Variants in FAM171B observed in about 807,000 individuals in gnomAD.
The protein encoded by FAM171B is family with sequence similarity 171 member B, also known as protein FAM171B.
A neutral mutation model predicts 75.6 loss-of-function variants in FAM171B; 19 were observed. The observed-to-expected ratio is 0.25, with a 90% confidence interval of 0.18 to 0.37. The LOEUF (loss-of-function observed/expected upper bound fraction) is 0.37, where lower values mean the gene tolerates loss of function less well. Among genes scored for constraint, FAM171B ranks in the 10% least tolerant of loss-of-function variants. The probability of loss-of-function intolerance (pLI) is 1.00; values close to 1 mark genes in which losing one functional copy is unlikely to be tolerated. For synonymous variants in FAM171B, 367 were observed against 361.7 expected (o/e 1.01, Z -0.17); for missense variants, 848 against 982.4 (o/e 0.86, Z 1.83).
Position 186,745,570 on chromosome 2 carries a change from T to G in FAM171B, c.566-1522T>G, listed in dbSNP as rs906179596. On this transcript the variant is annotated intron_variant, in intron 3 of 7. Coordinates refer to ENST00000304698, the MANE Select transcript of FAM171B (RefSeq NM_177454.4). ...ATTTGTAAGGCCAGGCAGGAAAGTA[T>G]GAATGTTTCATAATGATGTTAAATC... Among the ~76,000 whole-genome samples, 6 of 152,218 alleles carry G rather than the reference T, an allele frequency of 3.9e-5. No individual in the cohort carries two copies. In the South Asian group the frequency reaches 8.3e-4, roughly 21 times the overall value.
chr2:186,696,420 C>T (rs1173004859), intron 1 of FAM171B, among the ~76,000 whole-genome samples: 1 of 149,200 alleles, frequency 6.7e-6, no homozygotes, highest in African/African-American at 2.5e-5. Flanking sequence ...ACCTTTGTTT[C>T]CCTACTGTCT....
At chr2:186,741,081 A>G (rs930975430) in intron 2 of FAM171B, among the ~76,000 whole-genome samples, 1 of 152,186 alleles carries the variant, frequency 6.6e-6, no homozygotes, top group Admixed American at 6.5e-5. Flanking sequence ...AAGTTGTATT[A>G]TGGTACAAAT....
At chr2:186,757,377 G>C (rs1286195558) in intron 6 of FAM171B, among the ~76,000 whole-genome samples, 1 of 152,062 alleles carries the variant, frequency 6.6e-6, no homozygotes, top group Non-Finnish European at 1.5e-5. Flanking sequence ...TAGAAGCTCT[G>C]TGCCAGTAAC....
At chr2:186,696,815 T>C (rs1483824024) in intron 1 of FAM171B, among the ~76,000 whole-genome samples, 2 of 152,138 alleles carry the variant, frequency 1.3e-5, no homozygotes, top group East Asian at 1.9e-4. Flanking sequence ...TCCTTTTTGC[T>C]CTTACCCAGA....
chr2:186,709,905 A>G (rs1261638263), intron 1 of FAM171B, among the ~76,000 whole-genome samples: 2 of 152,206 alleles, frequency 1.3e-5, no homozygotes, highest in Non-Finnish European at 2.9e-5. Context: ...GTTAAATTGG[A>G]AAGTTCATGA....
rs991383928 is a variant in FAM171B, at chr2:186,764,709, A to T, written c.*1886A>T. ...CCAAATTAAACAGATGTGCAGTTTT[A>T]TTAAAAATATAGACCTAGTGTTTCA... On this transcript the variant is annotated 3_prime_UTR_variant, in exon 8 of 8. Coordinates refer to ENST00000304698, the MANE Select transcript of FAM171B (RefSeq NM_177454.4). 5.9e-5 allele frequency: 9 copies of T among 151,982 alleles called. No individual in the cohort carries two copies. The highest frequency in any genetic ancestry group is 2.2e-4 in the African/African-American group (9 of 41,556). The allele number at this position is 151,982 out of a possible 1,614,324, so 9.4% of individuals were successfully genotyped here.
rs1689545244 is a variant in FAM171B, at chr2:186,694,389, A to T, written c.216A>T (p.Ala72=). The T allele has an allele frequency of 3.7e-6, 6 of 1,612,596 alleles. No homozygotes were observed. Among genetic ancestry groups the T allele is most frequent in the Non-Finnish European group, 5.1e-6 (6 of 1,179,510 alleles). The change falls in exon 1 of 8, where the codon GCA becomes GCT. Residue 72 remains alanine (A), a synonymous_variant. Transcript: ENST00000304698. ...AEEERTEVPG[A]TSTLTVPVSV... is the part of the protein sequence containing the mutation. ...AGGAGAGGACAGAGGTGCCTGGGGC[A>T]ACCTCCACCTTGACGGTTCCAGGTA...
At chr2:186,756,100 A>G (rs935371859) in intron 6 of FAM171B, among the ~76,000 whole-genome samples, 2 of 152,262 alleles carry the variant, frequency 1.3e-5, no homozygotes, top group Admixed American at 6.5e-5. Flanking sequence ...ACTGAATTAT[A>G]TAAGATAGCT....
At chr2:186,714,806 G>A (rs545075436) in intron 1 of FAM171B, among the ~76,000 whole-genome samples, 1 of 152,306 alleles carries the variant, frequency 6.6e-6, no homozygotes, top group South Asian at 2.1e-4. Context: ...ATGGATAAAT[G>A]TTTGCTTCTT....
chr2:186,750,398 A>G (rs1158581069), intron 4 of FAM171B, among the ~76,000 whole-genome samples: 1 of 152,180 alleles, frequency 6.6e-6, no homozygotes, highest in African/African-American at 2.4e-5. Flanking sequence ...AGGCAAAACA[A>G]TATAACCAAT....
At position 186,763,783 on chromosome 2, in the gene FAM171B, T is replaced by C. The variant is rs1690659720; in HGVS notation, c.*960T>C. The C allele has an allele frequency of 6.6e-6, 1 of 152,074 alleles. No individual in the cohort carries two copies. The highest frequency in any genetic ancestry group is 2.4e-5 in the African/African-American group (1 of 41,450). The allele number at this position is 152,074 out of a possible 1,614,324, so 9.4% of individuals were successfully genotyped here. A position where few individuals can be genotyped will look rare whatever the true frequency, so the allele number is the denominator to read the frequency against. ...AACACTAAAATAAAATATGTGCAGA[T>C]AAAATATACATTGATTTGTTTTTCT... is the stretch of plus-strand genomic sequence containing the variant. On this transcript the variant is annotated 3_prime_UTR_variant, in exon 8 of 8. Transcript: ENST00000304698.
At chr2:186,708,101 T>G (rs1689758562) in intron 1 of FAM171B, among the ~76,000 whole-genome samples, 1 of 152,164 alleles carries the variant, frequency 6.6e-6, no homozygotes, top group Non-Finnish European at 1.5e-5. Context: ...GATAATTATT[T>G]GGGTAATTGA....
chr2:186,726,691 AT>A (rs745338497), intron 1 of FAM171B, among the ~76,000 whole-genome samples: 2 of 152,148 alleles, frequency 1.3e-5, no homozygotes, highest in East Asian at 3.8e-4. Flanking sequence ...CCTTATATTT[AT>A]TTAGGAAGTT....
rs1690616873 is a variant in FAM171B at position 186,761,615 on chromosome 2, T to A, written c.1273T>A (p.Ser425Thr). The A allele has an allele frequency of 6.2e-7, 1 of 1,613,308 alleles. No individual in the cohort carries two copies. Among genetic ancestry groups the A allele is most frequent in the South Asian group, 1.1e-5 (1 of 90,960 alleles). The change falls in exon 8 of 8, where the codon TCG becomes ACG. Residue 425 changes from serine (S) to threonine (T), a missense_variant. By Grantham distance (58) the Ser-to-Thr change is moderately conservative (BLOSUM62 1). Coordinates refer to ENST00000304698, the MANE Select transcript of FAM171B (RefSeq NM_177454.4). The stretch of plus-strand genomic sequence containing the variant: ...AGTTGCATTAAAAGCTGAGGACAAG[T>A]CGCAGTTATTCAATGCCAAAAACTC... ...VKVALKAEDK[S>T]QLFNAKNSSY...
rs3029382 is a variant in FAM171B at position 186,696,457 on chromosome 2, TA to T, written c.238+2060del. Among the ~76,000 whole-genome samples, 84 of 129,856 alleles carry T rather than the reference TA, an allele frequency of 6.5e-4. 1 individual carries two copies. Among genetic ancestry groups the T allele is most frequent in the Middle Eastern group, 3.6e-3 (1 of 276 alleles). 85.2% of individuals were successfully genotyped at this position (129,856 alleles called of 152,430 possible). A position where few individuals can be genotyped will look rare whatever the true frequency, so the allele number is the denominator to read the frequency against. On this transcript the variant is annotated intron_variant, in intron 1 of 7. Coordinates refer to ENST00000304698, the MANE Select transcript of FAM171B (RefSeq NM_177454.4). ...TTCTCCTCACACAGCTAGCGATCTT[TA>T]AAAAAAAAAAAAACATTAAATAGGA...
chr2:186,695,941 A>G (rs1039547623), intron 1 of FAM171B, among the ~76,000 whole-genome samples: 1 of 152,136 alleles, frequency 6.6e-6, no homozygotes, highest in Non-Finnish European at 1.5e-5. Flanking sequence ...GGTTTGCAGT[A>G]TATTTTTATT....
At chr2:186,698,677 G>C (rs775618148) in intron 1 of FAM171B, among the ~76,000 whole-genome samples, 3 of 152,094 alleles carry the variant, frequency 2.0e-5, no homozygotes, top group Non-Finnish European at 4.4e-5. Flanking sequence ...TGTACAATAA[G>C]TTATTGTTTA....
intron 1 of FAM171B, among the ~76,000 whole-genome samples, chr2:186,702,354 T>C (rs529765973): frequency 1.6e-4 from 24 of 152,316 alleles, no homozygotes; most frequent in Admixed American, 9.2e-4. Flanking sequence ...ATTATACTCT[T>C]ATGAGACCAC....
chr2:186,726,471 C>T (rs1690034793), intron 1 of FAM171B, among the ~76,000 whole-genome samples: 1 of 152,042 alleles, frequency 6.6e-6, no homozygotes, highest in Non-Finnish European at 1.5e-5. Context: ...CCTTTCCACC[C>T]CACTTTTCAG....
Sources: gnomAD v4.1 joint callset for allele counts (sites outside exome capture counted in the v4.1 genomes callset) on GRCh38, gnomAD v4.1.1 for gene constraint, MANE v1.5 for transcripts, NCBI Gene and HGNC (gene_info 2026-07-23, HGNC 2026-07-21) for gene names.